The following NDUFS7 variants were observed in gnomAD, a reference collection of about 807,000 sequenced individuals.
NDUFS7 encodes NADH:ubiquinone oxidoreductase core subunit S7.
Under a neutral mutation model 31.1 loss-of-function variants are expected in NDUFS7, and 11 were observed. That is an observed-to-expected ratio of 0.35 (90% confidence interval 0.22 to 0.59). The LOEUF is 0.59. NDUFS7 is among the 20% of genes least tolerant of loss of function. The pLI is 0.79. For missense variants in NDUFS7, 263 were observed against 324.2 expected, an observed-to-expected ratio of 0.81 and a Z score of 1.45; for synonymous variants, 136 against 127.9, an observed-to-expected ratio of 1.06 and a Z score of -0.43.
At chr19:1,389,459 C>T (rs1301511062) in intron 4 of NDUFS7, 1 of 457,718 alleles carries the variant, frequency 2.2e-6, no homozygotes, top group African/African-American at 2.0e-5. Context: ...CCGGAGGCCC[C>T]TGTGCTGGCC....
rs759573368 is a variant in NDUFS7 at position 1,388,902 on chromosome 19, G to C, written c.192G>C (p.Val64=). Residue 64 remains valine (V), a synonymous_variant, in exon 4 of 8, where the codon GTG becomes GTC. Coordinates refer to ENST00000233627, the MANE Select transcript of NDUFS7 (RefSeq NM_024407.5). ...CCAGCAGCCGGGGCGAGTATGTGGT[G>C]GCCAAGCTGGATGACCTCGTCAACT... The part of the protein sequence containing the change: ...PKPSSRGEYV[V]AKLDDLVNWA... 4 of 1,610,284 alleles carry C rather than the reference G, an allele frequency of 2.5e-6. No homozygotes were observed. Among genetic ancestry groups the C allele is most frequent in the Non-Finnish European group, 3.4e-6 (4 of 1,178,682 alleles).
intron 1 of NDUFS7, 147 bp from the exon 2 acceptor site, chr19:1,387,664 C>A: frequency 1.4e-6 from 1 of 725,834 alleles, no homozygotes; most frequent in South Asian, 1.5e-5. Context: ...TCTGAAAACC[C>A]CCTCGTTACC....
intron 7 of NDUFS7, chr19:1,394,535 C>A (rs1291383507): frequency 7.2e-6 from 9 of 1,248,526 alleles, no homozygotes; most frequent in African/African-American, 1.9e-5. Context: ...TCCCTGCGGA[C>A]CGCGCTCCTC....
At position 1,388,514 on chromosome 19, in the gene NDUFS7, T is replaced by C. The variant is rs1244482581; in HGVS notation, c.54-11T>C. ...GGGACAGCCACTGACCCGCGTTCCA[T>C]CTCCCGGCAGCTCCAGCGTGGGCCC... On this transcript the variant is annotated splice_polypyrimidine_tract_variant and intron_variant, in intron 2 of 7. Transcript: ENST00000233627. 1.2e-6 allele frequency: 2 copies of C among 1,610,468 alleles called. No individual in the cohort carries two copies. Among genetic ancestry groups the C allele is most frequent in the East Asian group, 2.2e-5 (1 of 44,788 alleles).
intron 4 of NDUFS7, chr19:1,389,334 C>A (rs2082537590): frequency 4.0e-6 from 2 of 495,384 alleles, no homozygotes; most frequent in Non-Finnish European, 7.9e-6. Context: ...CACTCACACA[C>A]ATGCACACAC....
At chr19:1,388,476 G>C in intron 2 of NDUFS7, 49 bp from the exon 3 acceptor site, 1 of 1,557,880 alleles carries the variant, frequency 6.4e-7, no homozygotes, top group Non-Finnish European at 8.8e-7. Context: ...GGCTGGGGGA[G>C]CTGGAGGGGC....
At chr19:1,384,413 C>T (rs72983535) in intron 1 of NDUFS7, among the ~76,000 whole-genome samples, 3,462 of 152,318 alleles carry the variant, frequency 0.023, 99 homozygotes, top group Non-Finnish European at 0.027. Flanking sequence ...CCTCCCCACC[C>T]CTGGGAGGTA....
intron 1 of NDUFS7, among the ~76,000 whole-genome samples, chr19:1,385,492 A>C (rs1568984219): frequency 6.7e-6 from 1 of 150,156 alleles, no homozygotes; most frequent in Non-Finnish European, 1.5e-5. Flanking sequence ...CATCCTGGGC[A>C]ACAAGAGTGA....
At position 1,393,278 on chromosome 19, in the gene NDUFS7, C is replaced by A; in HGVS notation, c.492C>A (p.Tyr164Ter). 1.3e-6 allele frequency: 2 copies of A among 1,587,778 alleles called. No homozygotes were observed. The highest frequency in any genetic ancestry group is 4.6e-5 in the East Asian group (2 of 43,626). ...GAGGAGGCTACTACCACTATTCCTA[C>A]TCGGTGGTGAGGGGCTGCGACCGCA... ...ANGGGYYHYSYSVVRGCDRIV... is the reference protein window; with the variant it reads ...ANGGGYYHYS Residue 164 changes from tyrosine (Y) to a stop codon, truncating the protein, a stop_gained, in exon 7 of 8, where the codon TAC (tyrosine) becomes TAA (stop). Coordinates refer to ENST00000233627, the MANE Select transcript of NDUFS7 (RefSeq NM_024407.5). LOFTEE classifies it high-confidence loss of function. This position sits in a 1 kb window ranked among gnomAD's most constrained non-coding sequence, Gnocchi z 7.3.
At chr19:1,390,391 G>T (rs778808016) in intron 4 of NDUFS7, 16 of 226,666 alleles carry the variant, frequency 7.1e-5, no homozygotes, top group Admixed American at 1.6e-4. Context: ...TGCAGGGAGA[G>T]CGGGAACGGT....
At chr19:1,394,481 G>T in intron 7 of NDUFS7, 1 of 1,215,212 alleles carries the variant, frequency 8.2e-7, no homozygotes. Context: ...TCCCTGTCTG[G>T]GGACTGCGCT....
intron 2 of NDUFS7, 163 bp downstream of exon 2, chr19:1,388,010 G>A (rs544487014): frequency 1.6e-5 from 12 of 737,888 alleles, no homozygotes; most frequent in South Asian, 9.6e-5. Context: ...GTGATGTGCC[G>A]GGACCCTCCC....
In NDUFS7 at chr19:1,393,575, GC is replaced by G; in HGVS notation, c.544+247del. On this transcript the variant is annotated intron_variant, in intron 7 of 7. Coordinates refer to ENST00000233627, the MANE Select transcript of NDUFS7 (RefSeq NM_024407.5). The surrounding 1 kb of genome is among the most constrained non-coding windows in gnomAD (Gnocchi z 7.3). The stretch of plus-strand genomic sequence containing the variant: ...AAGCTGAGTGGAATTCCTGACACAC[GC>G]CTGGTTTACAGCAGTTTCATATGGT... 1.6e-6 allele frequency: 1 copy of G among 640,074 alleles called. No homozygotes were observed. The highest frequency in any genetic ancestry group is 2.8e-6 in the Non-Finnish European group (1 of 351,770). 39.6% of individuals were successfully genotyped at this position (640,074 alleles called of 1,614,324 possible).
intron 6 of NDUFS7, chr19:1,392,692 C>T (rs1257121876): frequency 5.6e-6 from 1 of 178,086 alleles, no homozygotes; most frequent in Non-Finnish European, 1.2e-5. Flanking sequence ...TAATCTAATT[C>T]TAAACAGTTA....
intron 7 of NDUFS7, chr19:1,395,178 G>C (rs1257987883): frequency 1.5e-5 from 22 of 1,419,886 alleles, no homozygotes; most frequent in Non-Finnish European, 2.0e-5. Context: ...GTGGAGGGCA[G>C]TGGGGCCTTG....
chr19:1,394,400 ACTCCTCCCTCCTTGCAGACTGAG>A lies in NDUFS7; in HGVS notation c.545-979_545-957del, dbSNP rs1241652732. On this transcript the variant is annotated intron_variant, in intron 7 of 7. Transcript: ENST00000233627. Reference sequence around the variant, plus strand: ...GGGGCAAGTTGCGAGTGTGGACTGTACTCCTCCCTCCTTGCAGACTGAGCTCCTCCCTCCCTGGGGACCGCGCT... The same window carrying A: ...GGGGCAAGTTGCGAGTGTGGACTGTACTCCTCCCTCCCTGGGGACCGCGCT... 2.3e-6 allele frequency: 3 copies of A among 1,287,390 alleles called. No individual in the cohort carries two copies. The East Asian group carries it at 1.7e-4, about 72-fold the overall frequency. The allele number at this position is 1,287,390 out of a possible 1,614,324, so 79.7% of individuals were successfully genotyped here.
chr19:1,384,720 C>T (rs1009834719), intron 1 of NDUFS7, among the ~76,000 whole-genome samples: 1 of 152,208 alleles, frequency 6.6e-6, no homozygotes, highest in Non-Finnish European at 1.5e-5. Flanking sequence ...GTCTGCAGCC[C>T]CTGCACCATA....
chr19:1,392,957 A>T (rs2082567190), intron 6 of NDUFS7: 1 of 521,510 alleles, frequency 1.9e-6, no homozygotes, highest in Admixed American at 3.2e-5. Context: ...TTGTTGACAC[A>T]TGTGATCTGA....
At chr19:1,389,889 T>G in intron 4 of NDUFS7, 2 of 213,236 alleles carry the variant, frequency 9.4e-6, no homozygotes, top group South Asian at 1.3e-4. Context: ...GATAGTTCTT[T>G]TCTTTTTCTT....
Sources: allele counts gnomAD v4.1 joint callset (sites outside exome capture counted in the v4.1 genomes callset), GRCh38; gene constraint gnomAD v4.1.1; non-coding constraint Gnocchi (gnomAD v3.1); transcripts MANE v1.5; gene names NCBI Gene and HGNC (gene_info 2026-07-23, HGNC 2026-07-21).